The following THSD4 variants were observed in gnomAD, a reference collection of about 807,000 sequenced individuals.
THSD4 encodes the protein thrombospondin type-1 domain-containing protein 4.
In THSD4, 69 loss-of-function variants were observed where a neutral mutation model predicts 119.0. The observed-to-expected ratio is 0.58, with a 90% CI of 0.48 to 0.71. The LOEUF (loss-of-function observed/expected upper bound fraction) is 0.71. THSD4 is among the 30% of genes least tolerant of loss of function. The pLI, the probability that THSD4 is intolerant of heterozygous loss-of-function variation, is 0.00. For missense variants in THSD4, 1,393 were observed against 1,391.1 expected, an observed-to-expected ratio of 1.00 and a Z score of -0.02; for synonymous variants, 524 against 540.4, an observed-to-expected ratio of 0.97 and a Z score of 0.42.
At chr15:71,133,582 TAACCAGGTTAATC>T (rs2040522810) in intron 1 of THSD4, among the ~76,000 whole-genome samples, 1 of 152,204 alleles carries the variant, frequency 6.6e-6, no homozygotes, top group Non-Finnish European at 1.5e-5. Flanking sequence ...AGCAGAAATT[TAACCAGGTTAATC>T]AAGTGCTGTA....
intron 6 of THSD4, among the ~76,000 whole-genome samples, chr15:71,371,646 C>T (rs187017207): frequency 6.6e-5 from 10 of 152,294 alleles, no homozygotes; most frequent in African/African-American, 2.2e-4. Flanking sequence ...GCCAAGAGAT[C>T]CACTGTTAGT....
intron 14 of THSD4, among the ~76,000 whole-genome samples, chr15:71,751,517 T>C (rs534855132): frequency 2.0e-5 from 3 of 152,282 alleles, no homozygotes; most frequent in Admixed American, 1.3e-4. Flanking sequence ...TCATAATGTA[T>C]GTATAATTTG....
chr15:71,435,015 A>T (rs1357127811), intron 7 of THSD4, among the ~76,000 whole-genome samples: 1 of 152,236 alleles, frequency 6.6e-6, no homozygotes, highest in Non-Finnish European at 1.5e-5. Flanking sequence ...CAGTTAGAAG[A>T]AAAAAGAAAC....
intron 2 of THSD4, among the ~76,000 whole-genome samples, chr15:71,153,473 C>A (rs1318171707): frequency 6.6e-6 from 1 of 152,208 alleles, no homozygotes; most frequent in African/African-American, 2.4e-5. Flanking sequence ...ATGCCTGCAA[C>A]ACCATATTAC....
rs749505132 is a variant in THSD4, at chr15:71,728,648, G to C, written c.1457G>C (p.Arg486Pro). Residue 486 changes from arginine to proline, a missense_variant, in exon 9 of 18, where the codon CGT becomes CCT. Physicochemically the swap from Arg to Pro is moderately radical, Grantham distance 103. Coordinates refer to ENST00000261862, the MANE Select transcript of THSD4 (RefSeq NM_024817.3). ...EGGGTMFTYKRPNEISSTAGE... is the reference protein window; with the variant it reads ...EGGGTMFTYKPPNEISSTAGE... ...GGAGGGACCATGTTCACCTACAAGC[G>C]TCCAAATGAGATTTCGAGCACTGCC... The C allele has an allele frequency of 6.2e-7, 1 of 1,614,158 alleles. No individual in the cohort carries two copies. The highest frequency in any genetic ancestry group is 2.2e-5 in the East Asian group (1 of 44,888).
intron 7 of THSD4, among the ~76,000 whole-genome samples, chr15:71,551,408 C>T (rs930609389): frequency 2.9e-4 from 44 of 152,068 alleles, no homozygotes; most frequent in African/African-American, 9.7e-4. Flanking sequence ...TGGGAAGCTA[C>T]CTAAGAAAGC....
At chr15:71,520,359 A>G (rs2048422183) in intron 7 of THSD4, among the ~76,000 whole-genome samples, 1 of 152,156 alleles carries the variant, frequency 6.6e-6, no homozygotes, top group African/African-American at 2.4e-5. Flanking sequence ...CACTAGAGGA[A>G]GTTTCCCCAT....
chr15:71,621,934 C>A (rs145054780), intron 7 of THSD4, among the ~76,000 whole-genome samples: 292 of 152,284 alleles, frequency 1.9e-3, no homozygotes, highest in African/African-American at 6.6e-3. Flanking sequence ...ATCAAGACTT[C>A]TTTGTAATCA....
At chr15:71,400,483 A>C (rs1205184222) in intron 6 of THSD4, among the ~76,000 whole-genome samples, 1 of 152,198 alleles carries the variant, frequency 6.6e-6, no homozygotes, top group African/African-American at 2.4e-5. Flanking sequence ...AGTCTAGTCC[A>C]GAATTTGGAA....
chr15:71,627,224 G>C (rs971015540), intron 7 of THSD4, among the ~76,000 whole-genome samples: 3 of 152,204 alleles, frequency 2.0e-5, no homozygotes, highest in African/African-American at 7.2e-5. Context: ...TCTCTGATCA[G>C]TGTGTTCTAT....
chr15:71,699,335 C>A (rs1361020867), intron 8 of THSD4, among the ~76,000 whole-genome samples: 1 of 75,122 alleles, frequency 1.3e-5, no homozygotes, highest in East Asian at 6.1e-4. Flanking sequence ...GCCTCAGCCT[C>A]CCAAGTAGCT....
chr15:71,313,742 A>G (rs902503390), intron 6 of THSD4, among the ~76,000 whole-genome samples: 69 of 152,200 alleles, frequency 4.5e-4, no homozygotes, highest in Non-Finnish European at 9.4e-4. Context: ...ACCCCTCCCC[A>G]GAAGCAGCGG....
Position 71,198,755 on chromosome 15 carries a change from G to C in THSD4, c.100-16280G>C, listed in dbSNP as rs112429445. Among the ~76,000 whole-genome samples the C allele has an allele frequency of 7.5e-4, 115 of 152,328 alleles. 1 individual carries two copies. Among genetic ancestry groups the C allele is most frequent in the African/African-American group, 2.7e-3 (113 of 41,586 alleles). ...TGGGCTCTAGGTAGAGTTAAGTCTT[G>C]TAGCCATGCATGTGGGGACACTCCA... is the stretch of plus-strand genomic sequence containing the variant. On this transcript the variant is annotated intron_variant, in intron 3 of 17. Coordinates refer to ENST00000261862, the MANE Select transcript of THSD4 (RefSeq NM_024817.3).
chr15:71,683,048 A>C (rs2051829308), intron 8 of THSD4, among the ~76,000 whole-genome samples: 1 of 150,662 alleles, frequency 6.6e-6, no homozygotes, highest in Admixed American at 6.6e-5. Flanking sequence ...CAGCCTCCCA[A>C]GTAGCGGGAA....
chr15:71,721,731 C>T (rs1332211717), intron 8 of THSD4, among the ~76,000 whole-genome samples: 1 of 151,068 alleles, frequency 6.6e-6, no homozygotes, highest in Non-Finnish European at 1.5e-5. Flanking sequence ...TCAGGGCTTG[C>T]ATATATAAGC....
At chr15:71,150,670 C>T (rs1473924821) in intron 2 of THSD4, among the ~76,000 whole-genome samples, 1 of 152,166 alleles carries the variant, frequency 6.6e-6, no homozygotes, top group African/African-American at 2.4e-5. Flanking sequence ...CAAGAGGCAC[C>T]AGCAAACATT....
At chr15:71,537,013 A>G (rs2048696740) in intron 7 of THSD4, among the ~76,000 whole-genome samples, 1 of 152,218 alleles carries the variant, frequency 6.6e-6, no homozygotes, top group South Asian at 2.1e-4. Context: ...TGGATATACC[A>G]TAGTGTATCT....
chr15:71,409,475 G>A (rs1448974927), intron 6 of THSD4, among the ~76,000 whole-genome samples: 1 of 152,176 alleles, frequency 6.6e-6, no homozygotes, highest in Non-Finnish European at 1.5e-5. Context: ...TCTTAAGCCT[G>A]TTTTTTAATC....
At chr15:71,656,458 G>A (rs2051194830) in intron 7 of THSD4, among the ~76,000 whole-genome samples, 1 of 152,196 alleles carries the variant, frequency 6.6e-6, no homozygotes, top group South Asian at 2.1e-4. Context: ...AAAGTATAAT[G>A]TTAAAAGAGC....
Sources: gnomAD v4.1 joint callset for allele counts (sites outside exome capture counted in the v4.1 genomes callset) on GRCh38, gnomAD v4.1.1 for gene constraint, MANE v1.5 for transcripts, NCBI Gene and HGNC (gene_info 2026-07-23, HGNC 2026-07-21) for gene names.